SLX4IP: variants seen among roughly 807,000 people sequenced by gnomAD.
SLX4IP encodes SLX4 interacting protein, also known as protein SLX4IP.
SLX4IP carries 34 observed loss-of-function variants against 32.9 expected under a neutral mutation model. The ratio of observed to expected loss-of-function variants is 1.03; its 90% confidence interval spans 0.79 to 1.38. The LOEUF is 1.38. Ranked by LOEUF, SLX4IP falls within the 40% of genes most tolerant of loss-of-function variation. The pLI is 0.00. For missense variants in SLX4IP, 444 were observed against 479.0 expected (o/e 0.93, Z 0.68); for synonymous variants, 172 against 171.7 (o/e 1.00, Z -0.01).
chr20:10,574,756 A>G (rs1170222119), intron 4 of SLX4IP, among the ~76,000 whole-genome samples: 3 of 151,904 alleles, frequency 2.0e-5, no homozygotes, highest in Non-Finnish European at 4.4e-5. Flanking sequence ...CACTGTAACC[A>G]CCACCTCCCA....
At position 10,560,733 on chromosome 20, in the gene SLX4IP, T is replaced by C. The variant is rs542424354; in HGVS notation, c.151T>C (p.Ser51Pro). 1.2e-6 allele frequency: 2 copies of C among 1,600,280 alleles called. No individual in the cohort carries two copies. Among genetic ancestry groups the C allele is most frequent in the Non-Finnish European group, 8.5e-7 (1 of 1,173,306 alleles). ...VCLLLKETID[S>P]RVQEYLEVRK... ...TTTACTGTTAAAAGAAACCATTGAT[T>C]CAAGAGTTCAGGAGTACTTGGAAGT... Residue 51 changes from serine to proline, a missense_variant, in exon 4 of 8, where the codon TCA (serine) becomes CCA (proline). Coordinates refer to ENST00000334534, the MANE Select transcript of SLX4IP (RefSeq NM_001009608.3).
chr20:10,594,078 T>A (rs1231450877), intron 4 of SLX4IP, among the ~76,000 whole-genome samples: 1 of 152,248 alleles, frequency 6.6e-6, no homozygotes, highest in Admixed American at 6.5e-5. Flanking sequence ...GGTTTCATGA[T>A]GTCCACTTCG....
intron 4 of SLX4IP, among the ~76,000 whole-genome samples, chr20:10,581,966 A>G (rs2066592098): frequency 6.6e-6 from 1 of 152,048 alleles, no homozygotes; most frequent in South Asian, 2.1e-4. Context: ...CCTTGAAAAT[A>G]TTTGCATTTG....
intron 2 of SLX4IP, among the ~76,000 whole-genome samples, chr20:10,540,527 G>A (rs1178395685): frequency 1.3e-5 from 2 of 152,184 alleles, no homozygotes; most frequent in African/African-American, 4.8e-5. Flanking sequence ...AATTGCTAAT[G>A]TGTAGGTAGC....
intron 1 of SLX4IP, among the ~76,000 whole-genome samples, chr20:10,445,680 A>G (rs1336148329): frequency 3.4e-5 from 5 of 148,174 alleles, no homozygotes; most frequent in Admixed American, 2.0e-4. Context: ...GCTGGAGTGC[A>G]GTGGCGTGAT....
At chr20:10,552,200 C>T (rs2066224448) in intron 2 of SLX4IP, among the ~76,000 whole-genome samples, 1 of 152,110 alleles carries the variant, frequency 6.6e-6, no homozygotes, top group Non-Finnish European at 1.5e-5. Flanking sequence ...TTCCTAGCAG[C>T]CTGATGGTTG....
At chr20:10,503,557 A>C (rs1364892162) in intron 2 of SLX4IP, among the ~76,000 whole-genome samples, 1 of 152,230 alleles carries the variant, frequency 6.6e-6, no homozygotes, top group African/African-American at 2.4e-5. Context: ...ATCTCTGTTC[A>C]CAAATGACAT....
intron 2 of SLX4IP, among the ~76,000 whole-genome samples, chr20:10,537,435 CTG>C (rs2066057994): frequency 6.6e-6 from 1 of 152,218 alleles, no homozygotes. Context: ...AAAGGAAACA[CTG>C]TTTCGTGAGG....
intron 1 of SLX4IP, among the ~76,000 whole-genome samples, chr20:10,445,311 C>CTTTTTT (rs36058168): frequency 4.4e-5 from 4 of 90,176 alleles, no homozygotes; most frequent in African/African-American, 1.2e-4. Flanking sequence ...TTTTTTCTTT[C>CTTTTTT]TTTTTTTTTT....
At chr20:10,477,627 C>T (rs1468369565) in intron 2 of SLX4IP, among the ~76,000 whole-genome samples, 1 of 152,082 alleles carries the variant, frequency 6.6e-6, no homozygotes, top group African/African-American at 2.4e-5. Context: ...CTTCTCATCT[C>T]TAGGATCTTG....
Position 10,493,858 on chromosome 20 carries a change from CCTTTT to C in SLX4IP, c.27+35628_27+35632del, listed in dbSNP as rs2065645642. Among the ~76,000 whole-genome samples, 5 of 73,876 alleles carry C rather than the reference CCTTTT, an allele frequency of 6.8e-5. No individual in the cohort carries two copies. In the Middle Eastern group the frequency reaches 0.03, roughly 448 times the overall value. The allele number at this position is 73,876 out of a possible 152,430, so 48.5% of individuals were successfully genotyped here. A position where few individuals can be genotyped will look rare whatever the true frequency, so the allele number is the denominator to read the frequency against. The stretch of plus-strand genomic sequence containing the variant: ...TACTGAAGTGTTTTTTTTATAGTTG[CCTTTT>C]TTTTTTTTTTTTTTTTTTGAGTCAG... On this transcript the variant is annotated intron_variant, in intron 2 of 7. Coordinates refer to ENST00000334534, the MANE Select transcript of SLX4IP (RefSeq NM_001009608.3).
chr20:10,451,311 C>T lies in SLX4IP; in HGVS notation c.-29-6865C>T, dbSNP rs2065240136. ...GAGTAGCTGGGATTACAGGCGCCCA[C>T]CACCATGCCTGCCTAACTTTTGTAT... On this transcript the variant is annotated intron_variant, in intron 1 of 7. Coordinates refer to ENST00000334534, the MANE Select transcript of SLX4IP (RefSeq NM_001009608.3). 4.6e-5 allele frequency among the ~76,000 whole-genome samples: 7 copies of T among 151,960 alleles called. No individual in the cohort carries two copies. In the South Asian group the frequency reaches 1.5e-3, roughly 32 times the overall value.
intron 2 of SLX4IP, among the ~76,000 whole-genome samples, chr20:10,474,633 G>T (rs569718933): frequency 2.0e-5 from 3 of 152,236 alleles, no homozygotes; most frequent in African/African-American, 7.2e-5. Context: ...GGCCAGATGG[G>T]CCTTGGGGGC....
Position 10,623,102 on chromosome 20 carries a change from G to T in SLX4IP, c.950G>T (p.Arg317Leu). Residue 317 changes from arginine (R) to leucine (L), a missense_variant, in exon 8 of 8, where the codon CGA becomes CTA. Physicochemically the swap from Arg to Leu is moderately radical, Grantham distance 102 (BLOSUM62 -2). Coordinates refer to ENST00000334534, the MANE Select transcript of SLX4IP (RefSeq NM_001009608.3). ...GGGAGAGTTTCTCTTGGAAGTGATCGATTAGTCCCGAGAGAAATAATAGTG... is the reference window on the plus strand; with the variant it reads ...GGGAGAGTTTCTCTTGGAAGTGATCTATTAGTCCCGAGAGAAATAATAGTG... ...HHGRVSLGSD[R>L]LVPREIIVEK... is the part of the protein sequence containing the mutation. 6.2e-7 allele frequency: 1 copy of T among 1,614,106 alleles called. No individual in the cohort carries two copies. The highest frequency in any genetic ancestry group is 1.3e-5 in the African/African-American group (1 of 75,032).
chr20:10,538,628 C>A lies in SLX4IP; in HGVS notation c.28-17603C>A, dbSNP rs143091236. On this transcript the variant is annotated intron_variant, in intron 2 of 7. Transcript: ENST00000334534. Reference sequence around the variant, plus strand: ...GCAACCTCTGCCTCCTGGGTTCAAGCGATTCTCCTGCCTCAGGCTCCTGAG... The same window carrying A: ...GCAACCTCTGCCTCCTGGGTTCAAGAGATTCTCCTGCCTCAGGCTCCTGAG... 2.7e-3 allele frequency among the ~76,000 whole-genome samples: 405 copies of A among 151,820 alleles called. 1 individual carries two copies. Among genetic ancestry groups the A allele is most frequent in the African/African-American group, 9.3e-3 (383 of 41,350 alleles).
intron 4 of SLX4IP, among the ~76,000 whole-genome samples, chr20:10,587,490 A>G (rs1742514055): frequency 6.6e-6 from 1 of 152,168 alleles, no homozygotes; most frequent in South Asian, 2.1e-4. Context: ...AACAGGAAAA[A>G]AATATACAGG....
At chr20:10,569,761 G>A (rs1032509020) in intron 4 of SLX4IP, among the ~76,000 whole-genome samples, 2 of 152,154 alleles carry the variant, frequency 1.3e-5, no homozygotes, top group Middle Eastern at 3.4e-3. Flanking sequence ...TCTCTCCTTG[G>A]CTTGTCGATG....
chr20:10,621,630 C>T (rs374344718), intron 7 of SLX4IP, among the ~76,000 whole-genome samples: 3 of 151,896 alleles, frequency 2.0e-5, no homozygotes, highest in East Asian at 1.9e-4. Flanking sequence ...ATTAATGACA[C>T]GTTCTTTGAA....
In SLX4IP at chr20:10,598,747, A is replaced by G; in HGVS notation, c.311A>G (p.Asn104Ser). The G allele has an allele frequency of 1.9e-6, 3 of 1,614,036 alleles. No individual in the cohort carries two copies. The highest frequency in any genetic ancestry group is 2.5e-6 in the Non-Finnish European group (3 of 1,179,928). ...CTTCGCTGCATCAGGAGCACACAGA[A>G]TGCTGGTAAGAAGCCGATTTCTTGG... is the stretch of plus-strand genomic sequence containing the variant. ...IRLRCIRSTQ[N>S]AELCVFPDRF... Residue 104 changes from asparagine (N) to serine (S), a missense_variant, in exon 5 of 8, where the codon AAT becomes AGT. Physicochemically the swap from Asn to Ser is conservative, Grantham distance 46. Coordinates refer to ENST00000334534, the MANE Select transcript of SLX4IP (RefSeq NM_001009608.3).
Sources: gnomAD v4.1 joint callset for allele counts (sites outside exome capture counted in the v4.1 genomes callset) on GRCh38, gnomAD v4.1.1 for gene constraint, MANE v1.5 for transcripts, NCBI Gene and HGNC (gene_info 2026-07-23, HGNC 2026-07-21) for gene names.